The following GRK6 variants were observed in gnomAD, a reference collection of about 807,000 sequenced individuals.
GRK6 encodes G protein-coupled receptor kinase 6.
A neutral mutation model predicts 80.8 loss-of-function variants in GRK6; 37 were observed. The observed-to-expected ratio is 0.46, with a 90% CI of 0.35 to 0.60. GRK6 has a LOEUF of 0.60. Among genes scored for constraint, GRK6 ranks in the 20% least tolerant of loss-of-function variants. The pLI, the probability that GRK6 is intolerant of heterozygous loss-of-function variation, is 0.00. For missense variants in GRK6, 560 were observed against 784.6 expected, an observed-to-expected ratio of 0.71 and a Z score of 3.42; for synonymous variants, 295 against 320.9, an observed-to-expected ratio of 0.92 and a Z score of 0.86.
intron 13 of GRK6, among the ~76,000 whole-genome samples, chr5:177,438,343 G>C (rs1246416713): frequency 6.6e-6 from 1 of 151,962 alleles, no homozygotes; most frequent in Non-Finnish European, 1.5e-5. Flanking sequence ...CTCCAGCCTG[G>C]GCAACAAGAG....
Position 177,436,543 on chromosome 5 carries a change from C to T in GRK6, c.1404+13C>T. On this transcript the variant is annotated intron_variant, in intron 13 of 15. Coordinates refer to ENST00000355472, the MANE Select transcript of GRK6 (RefSeq NM_001004106.3). The stretch of plus-strand genomic sequence containing the variant: ...GTTCAAGCCTGACGTGAGTGCAGCC[C>T]ACTCCTGCTGAGGGCGGGGCCCAGC... The T allele has an allele frequency of 6.4e-7, 1 of 1,568,168 alleles. No homozygotes were observed. Among genetic ancestry groups the T allele is most frequent in the Non-Finnish European group, 8.7e-7 (1 of 1,155,492 alleles).
At chr5:177,431,962 T>C (rs1270837184) in intron 2 of GRK6, 33 bp from the exon 3 acceptor site, 2 of 1,591,916 alleles carry the variant, frequency 1.3e-6, no homozygotes, top group South Asian at 1.1e-5. Flanking sequence ...GCTCTCGGGC[T>C]GTGGACCCAG....
intron 1 of GRK6, among the ~76,000 whole-genome samples, chr5:177,427,203 G>A (rs1290412865): frequency 1.3e-5 from 2 of 152,220 alleles, no homozygotes; most frequent in African/African-American, 4.8e-5. Context: ...CTGTCTGAGA[G>A]GCAAGCCTCC....
chr5:177,433,060 G>A (rs1457204094), intron 5 of GRK6, 87 bp from the exon 6 acceptor site: 16 of 1,181,732 alleles, frequency 1.4e-5, no homozygotes, highest in Non-Finnish European at 1.8e-5. Flanking sequence ...GGCTAAGCCT[G>A]TACAGAACGG....
At chr5:177,435,806 G>C (rs1764114390) in intron 11 of GRK6, among the ~76,000 whole-genome samples, 1 of 152,232 alleles carries the variant, frequency 6.6e-6, no homozygotes, top group Non-Finnish European at 1.5e-5. Context: ...AAGTCAAACT[G>C]TTTTTAGTAA....
intron 11 of GRK6, among the ~76,000 whole-genome samples, 165 bp from the exon 12 acceptor site, chr5:177,435,908 C>T (rs942231739): frequency 6.6e-6 from 1 of 152,174 alleles, no homozygotes; most frequent in African/African-American, 2.4e-5. Context: ...CCTGCAGGGC[C>T]GTATTCACCC....
At position 177,442,158 on chromosome 5, in the gene GRK6, A is replaced by C. The variant is rs1386362077; in HGVS notation, c.*368A>C. On this transcript the variant is annotated 3_prime_UTR_variant, in exon 16 of 16. Transcript: ENST00000355472. ...TGGCTGGGAGAGCGGGAGCTGGCAG[A>C]GGAGCCACTGCCAAACTCAAGGCTC... 1 of 293,190 alleles carries C rather than the reference A, an allele frequency of 3.4e-6. No individual in the cohort carries two copies. The highest frequency in any genetic ancestry group is 6.4e-6 in the Non-Finnish European group (1 of 155,802). 18.2% of individuals were successfully genotyped at this position (293,190 alleles called of 1,614,324 possible). A position where few individuals can be genotyped will look rare whatever the true frequency, so the allele number is the denominator to read the frequency against.
intron 13 of GRK6, among the ~76,000 whole-genome samples, chr5:177,439,666 C>T (rs1283336060): frequency 6.6e-6 from 1 of 151,752 alleles, no homozygotes; most frequent in African/African-American, 2.4e-5. Context: ...ATACCCTTAG[C>T]AGCCATTCCC....
At chr5:177,439,845 G>A (rs990666158) in intron 13 of GRK6, 2 of 152,266 alleles carry the variant, frequency 1.3e-5, no homozygotes, top group African/African-American at 2.4e-5. Context: ...TTGTAGCATA[G>A]ATCAGTGCTT....
In GRK6 at chr5:177,428,901, GGGCCCCTGAC is replaced by G. The variant is rs1157198682; in HGVS notation, c.53-1967_53-1958del. Among the ~76,000 whole-genome samples the G allele has an allele frequency of 6.6e-6, 1 of 152,168 alleles. No homozygotes were observed. Among genetic ancestry groups the G allele is most frequent in the African/African-American group, 2.4e-5 (1 of 41,448 alleles). On this transcript the variant is annotated intron_variant, in intron 1 of 15. Transcript: ENST00000355472. The surrounding 1 kb of genome is among the most constrained non-coding windows in gnomAD (Gnocchi z 4.1). Reference sequence around the variant, plus strand: ...CTGGCTTTTCATGAGCTTGAGGCTGGGGCCCCTGACGGCTTCTCAAGTGATCTGAGGCCCC... The same window carrying G: ...CTGGCTTTTCATGAGCTTGAGGCTGGGGCTTCTCAAGTGATCTGAGGCCCC...
upstream of GRK6, chr5:177,426,390 G>C (rs1452034073): frequency 6.6e-6 from 1 of 152,212 alleles, no homozygotes; most frequent in African/African-American, 2.4e-5. Flanking sequence ...CCATTGTCCC[G>C]GCTGAGGGCT....
intron 2 of GRK6, 93 bp from the exon 3 acceptor site, chr5:177,431,902 T>C (rs1391576397): frequency 9.4e-7 from 1 of 1,065,412 alleles, no homozygotes; most frequent in East Asian, 2.4e-5. Context: ...AGCTGGAAGC[T>C]GTTGTGGGGG....
chr5:177,426,625 C>T (rs999738282), upstream of GRK6: 3 of 151,796 alleles, frequency 2.0e-5, no homozygotes, highest in South Asian at 2.1e-4. Flanking sequence ...ATGAGGTAAA[C>T]AGAGGGCGGG....
At chr5:177,439,256 C>G (rs1038594838) in intron 13 of GRK6, among the ~76,000 whole-genome samples, 1 of 152,100 alleles carries the variant, frequency 6.6e-6, no homozygotes, top group East Asian at 1.9e-4. Context: ...GTGTACAATT[C>G]GGCTGGGCGT....
chr5:177,439,395 CT>C (rs1254637953), intron 13 of GRK6, among the ~76,000 whole-genome samples: 1 of 152,030 alleles, frequency 6.6e-6, no homozygotes, highest in Admixed American at 6.6e-5. Context: ...CAAAAATTAG[CT>C]GGACGTGGTG....
At position 177,434,027 on chromosome 5, in the gene GRK6, C is replaced by G. The variant is rs201111298; in HGVS notation, c.852C>G (p.Pro284=). 1.9e-6 allele frequency: 3 copies of G among 1,612,100 alleles called. No homozygotes were observed. The highest frequency in any genetic ancestry group is 4.5e-5 in the East Asian group (2 of 44,876). ...HIYHMGQAGF[P]EARAVFYAAE... The stretch of plus-strand genomic sequence containing the variant: ...ACCACATGGGCCAGGCTGGCTTCCC[C>G]GAAGCGCGGGCCGTCTTCTACGCCG... The change falls in exon 9 of 16, where the codon CCC becomes CCG. Residue 284 remains proline, a synonymous_variant. Coordinates refer to ENST00000355472, the MANE Select transcript of GRK6 (RefSeq NM_001004106.3).
chr5:177,440,316 G>C (rs1012023387), intron 13 of GRK6, among the ~76,000 whole-genome samples: 3 of 152,230 alleles, frequency 2.0e-5, no homozygotes, highest in Non-Finnish European at 4.4e-5. Context: ...GCAGGGCGGG[G>C]AGCCAGGGAG....
chr5:177,433,742 C>T, intron 8 of GRK6, 66 bp downstream of exon 8: 1 of 1,586,424 alleles, frequency 6.3e-7, no homozygotes, highest in South Asian at 1.1e-5. Flanking sequence ...CCCCACCCCC[C>T]AGGCCCCACC....
rs368936740 is a variant in GRK6 at position 177,430,733 on chromosome 5, G to A, written c.53-139G>A. 492 of 684,732 alleles carry A rather than the reference G, an allele frequency of 7.2e-4. 4 individuals carry two copies. The highest frequency in any genetic ancestry group is 4.9e-3 in the South Asian group (281 of 57,542). The allele number at this position is 684,732 out of a possible 1,614,324, so 42.4% of individuals were successfully genotyped here. A position where few individuals can be genotyped will look rare whatever the true frequency, so the allele number is the denominator to read the frequency against. On this transcript the variant is annotated intron_variant, in intron 1 of 15. Transcript: ENST00000355472. The stretch of plus-strand genomic sequence containing the variant: ...GAACGCAGCAAGGGCGTGCTGGAGC[G>A]TGCAGAGGGAAGGCCTGAGGTGCTG...
Sources: allele counts gnomAD v4.1 joint callset (sites outside exome capture counted in the v4.1 genomes callset), GRCh38; gene constraint gnomAD v4.1.1; non-coding constraint Gnocchi (gnomAD v3.1); transcripts MANE v1.5; gene names NCBI Gene and HGNC (gene_info 2026-07-23, HGNC 2026-07-21).